Variants in PGM5 observed in about 807,000 individuals in gnomAD.
PGM5 encodes the protein phosphoglucomutase 5.
A neutral mutation model predicts 59.2 loss-of-function variants in PGM5; 23 were observed. The observed-to-expected ratio is 0.39, with a 90% CI of 0.28 to 0.55. The LOEUF is 0.55. PGM5 is among the 20% of genes least tolerant of loss of function. The pLI is 0.66. For synonymous variants in PGM5, 214 were observed against 286.0 expected (o/e 0.75, Z 2.54); for missense variants, 574 against 748.3 (o/e 0.77, Z 2.72).
At chr9:68,401,381 C>T (rs1357402591) in intron 6 of PGM5, among the ~76,000 whole-genome samples, 8 of 151,830 alleles carry the variant, frequency 5.3e-5, no homozygotes, top group Non-Finnish European at 1.2e-4. Flanking sequence ...CTTTTATCTG[C>T]TGTATTTGTG....
At chr9:68,360,964 C>A (rs1461587604) in intron 1 of PGM5, among the ~76,000 whole-genome samples, 3 of 152,140 alleles carry the variant, frequency 2.0e-5, no homozygotes, top group Non-Finnish European at 2.9e-5. Context: ...TTTCACACAG[C>A]CTGAAGTGCA....
chr9:68,443,262 C>T (rs1293780112), intron 6 of PGM5, among the ~76,000 whole-genome samples: 3 of 152,206 alleles, frequency 2.0e-5, no homozygotes, highest in Non-Finnish European at 2.9e-5. Flanking sequence ...AGGAGCCCAA[C>T]TCAAAATGTC....
At chr9:68,372,454 C>G (rs388399) in intron 1 of PGM5, among the ~76,000 whole-genome samples, 52,663 of 150,308 alleles carry the variant, frequency 0.35, 9,509 homozygotes, top group East Asian at 0.43. Flanking sequence ...TCTACCACCA[C>G]GTAGCTGGCT....
intron 2 of PGM5, among the ~76,000 whole-genome samples, chr9:68,380,766 C>T (rs1554678250): frequency 6.6e-6 from 1 of 151,482 alleles, no homozygotes; most frequent in African/African-American, 2.4e-5. Flanking sequence ...CAATAGATAC[C>T]TCAGAAATAA....
At chr9:68,407,496 T>TC (rs773319311) in intron 6 of PGM5, among the ~76,000 whole-genome samples, 10 of 152,162 alleles carry the variant, frequency 6.6e-5, no homozygotes, top group Non-Finnish European at 1.2e-4. Flanking sequence ...AATTCACTGT[T>TC]CCCTCTGTTA....
intron 1 of PGM5, among the ~76,000 whole-genome samples, chr9:68,375,469 A>C (rs1168630748): frequency 6.6e-6 from 1 of 152,184 alleles, no homozygotes; most frequent in Admixed American, 6.5e-5. Context: ...AGACTCTATC[A>C]ACACTCGACT....
At chr9:68,506,776 T>A (rs1430201083) in intron 10 of PGM5, among the ~76,000 whole-genome samples, 2 of 152,146 alleles carry the variant, frequency 1.3e-5, no homozygotes, top group East Asian at 1.9e-4. Context: ...TTCACTTTCA[T>A]GACAAGACAA....
At chr9:68,408,137 C>T (rs1278448744) in intron 6 of PGM5, among the ~76,000 whole-genome samples, 2 of 152,122 alleles carry the variant, frequency 1.3e-5, no homozygotes, top group Non-Finnish European at 2.9e-5. Context: ...TGACTCTTAT[C>T]AAATCAGGTG....
intron 10 of PGM5, among the ~76,000 whole-genome samples, chr9:68,519,291 G>A (rs1368827084): frequency 6.6e-6 from 1 of 152,090 alleles, no homozygotes; most frequent in Non-Finnish European, 1.5e-5. Context: ...ATGAACATTG[G>A]CTGTATAAAA....
intron 2 of PGM5, among the ~76,000 whole-genome samples, chr9:68,378,562 G>A (rs1478214505): frequency 1.3e-5 from 2 of 152,080 alleles, no homozygotes; most frequent in Non-Finnish European, 2.9e-5. Context: ...TTGGTCCCCT[G>A]TACTCTTCAG....
chr9:68,502,837 C>A (rs1163181291), intron 10 of PGM5, among the ~76,000 whole-genome samples: 6 of 152,074 alleles, frequency 3.9e-5, no homozygotes. Flanking sequence ...TTACAGGTGA[C>A]CGCCACCATC....
At chr9:68,502,839 G>A (rs1419055414) in intron 10 of PGM5, among the ~76,000 whole-genome samples, 1 of 152,032 alleles carries the variant, frequency 6.6e-6, no homozygotes. Flanking sequence ...ACAGGTGACC[G>A]CCACCATCCC....
rs184807771 is a variant in PGM5 at position 68,423,547 on chromosome 9, G to A, written c.1043+31074G>A. Reference sequence around the variant, plus strand: ...AAGAGCTTGGTGTTGAGAATGGCATGCAGAGCTGACATTAGGTTCAATCAG... The same window carrying A: ...AAGAGCTTGGTGTTGAGAATGGCATACAGAGCTGACATTAGGTTCAATCAG... On this transcript the variant is annotated intron_variant, in intron 6 of 10. Transcript: ENST00000396396. Among the ~76,000 whole-genome samples the A allele has an allele frequency of 2.9e-3, 434 of 152,168 alleles. 2 individuals are homozygous for A. The highest frequency in any genetic ancestry group is 0.01 in the Middle Eastern group (3 of 294).
At chr9:68,413,571 A>G (rs1822971999) in intron 6 of PGM5, among the ~76,000 whole-genome samples, 2 of 152,358 alleles carry the variant, frequency 1.3e-5, no homozygotes, top group South Asian at 4.1e-4. Context: ...TATTTGGAAA[A>G]GTAAAGTTTG....
intron 3 of PGM5, among the ~76,000 whole-genome samples, chr9:68,386,543 T>G (rs1822222961): frequency 1.3e-5 from 2 of 152,152 alleles, no homozygotes; most frequent in South Asian, 4.1e-4. Flanking sequence ...TTATTGAAAG[T>G]GGGTTGGTAA....
chr9:68,444,625 C>T (rs1322256669), intron 6 of PGM5, among the ~76,000 whole-genome samples: 1 of 149,402 alleles, frequency 6.7e-6, no homozygotes, highest in African/African-American at 2.6e-5. Flanking sequence ...TGAGTTGAGT[C>T]GCATGCCCAC....
At chr9:68,404,374 C>T (rs1341027271) in intron 6 of PGM5, among the ~76,000 whole-genome samples, 1 of 152,172 alleles carries the variant, frequency 6.6e-6, no homozygotes, top group African/African-American at 2.4e-5. Context: ...AGTGATCCAC[C>T]CACCTTGGCT....
At chr9:68,394,017 C>T (rs1432254697) in intron 6 of PGM5, 1 of 151,968 alleles carries the variant, frequency 6.6e-6, no homozygotes, top group Non-Finnish European at 1.5e-5. Context: ...CAAACAAATA[C>T]ATAATATATA....
chr9:68,435,004 A>G (rs1823423427), intron 6 of PGM5, among the ~76,000 whole-genome samples: 2 of 152,176 alleles, frequency 1.3e-5, no homozygotes, highest in South Asian at 4.2e-4. Flanking sequence ...TTCTCCTGAT[A>G]AGTCCTGCCT....
Sources: gnomAD v4.1 joint callset for allele counts (sites outside exome capture counted in the v4.1 genomes callset) on GRCh38, gnomAD v4.1.1 for gene constraint, MANE v1.5 for transcripts, NCBI Gene and HGNC (gene_info 2026-07-23, HGNC 2026-07-21) for gene names.